Variants in TRIM55 observed in about 807,000 individuals in gnomAD.
TRIM55 encodes the protein tripartite motif containing 55.
TRIM55 carries 50 observed loss-of-function variants against 60.9 expected under a neutral mutation model. That is an observed-to-expected ratio of 0.82 (90% CI 0.65 to 1.04). TRIM55 has a LOEUF of 1.04. Among genes scored for constraint, TRIM55 ranks in the 50% least tolerant of loss-of-function variants. The probability of loss-of-function intolerance (pLI) is 0.00; values close to 1 mark genes in which losing one functional copy is unlikely to be tolerated. For synonymous variants in TRIM55, 237 were observed against 238.1 expected (o/e 1.00, Z 0.04); for missense variants, 681 against 666.9 (o/e 1.02, Z -0.23).
chr8:66,172,830 A>C (rs1019316798), intron 9 of TRIM55, among the ~76,000 whole-genome samples: 11 of 152,248 alleles, frequency 7.2e-5, no homozygotes, highest in Non-Finnish European at 1.2e-4. Flanking sequence ...TGGTCTGTTC[A>C]TCCAGGCGGA....
At chr8:66,169,758 T>C (rs1043073460) in intron 9 of TRIM55, among the ~76,000 whole-genome samples, 2 of 152,138 alleles carry the variant, frequency 1.3e-5, no homozygotes, top group Admixed American at 1.3e-4. Flanking sequence ...CTGACCGAGA[T>C]GGGCAGAAGG....
intron 2 of TRIM55, among the ~76,000 whole-genome samples, chr8:66,131,373 T>C (rs1246091975): frequency 1.3e-5 from 2 of 152,218 alleles, no homozygotes; most frequent in Non-Finnish European, 2.9e-5. Flanking sequence ...TTAATTCTTT[T>C]AGCTGTTTTT....
chr8:66,137,611 C>T (rs1163167928), intron 4 of TRIM55, among the ~76,000 whole-genome samples: 3 of 152,070 alleles, frequency 2.0e-5, no homozygotes, highest in African/African-American at 7.2e-5. Context: ...AGCAGTGCTG[C>T]GAAGTGGCCA....
At position 66,150,447 on chromosome 8, in the gene TRIM55, T is replaced by G. The variant is rs368724377; in HGVS notation, c.966T>G (p.Arg322=). The part of the protein sequence containing the change: ...VNLNREEKII[R]EIDFYREDED... ...TCAATAGAGAAGAAAAGATAATACG[T>G]GAAATTGACTTTTACAGAGGTTTGT... Residue 322 remains arginine (R), a synonymous_variant, in exon 7 of 10, where the codon CGT becomes CGG. Coordinates refer to ENST00000315962, the MANE Select transcript of TRIM55 (RefSeq NM_184085.2). 2 of 1,614,004 alleles carry G rather than the reference T, an allele frequency of 1.2e-6. No individual in the cohort carries two copies. The highest frequency in any genetic ancestry group is 2.7e-5 in the African/African-American group (2 of 74,924).
At chr8:66,128,271 C>T in intron 1 of TRIM55, 33 bp from the exon 2 acceptor site, 1 of 1,550,106 alleles carries the variant, frequency 6.5e-7, no homozygotes, top group South Asian at 1.2e-5. Context: ...TGTGGCATTA[C>T]CCAATTCCTT....
intron 6 of TRIM55, 26 bp from the exon 7 acceptor site, chr8:66,150,316 A>G: frequency 6.2e-7 from 1 of 1,614,158 alleles, no homozygotes; most frequent in Non-Finnish European, 8.5e-7. Context: ...ACAGTGACAG[A>G]AAGTGGCAAC....
the TRIM55 span, among the ~76,000 whole-genome samples, chr8:66,118,168 CAAAAAAAAAAA>C: frequency 7.5e-5 from 3 of 39,892 alleles, no homozygotes; most frequent in Non-Finnish European, 1.2e-4. Flanking sequence ...GACTCCGTCT[CAAAAAAAAAAA>C]AAAAAAAAAA....
intron 9 of TRIM55, among the ~76,000 whole-genome samples, chr8:66,156,032 A>G (rs1441668574): frequency 1.3e-5 from 2 of 152,202 alleles, no homozygotes; most frequent in Non-Finnish European, 2.9e-5. Flanking sequence ...GCCAGTTTCA[A>G]GTGTCCATAA....
chr8:66,165,647 A>G lies in TRIM55; in HGVS notation c.1525-8824A>G, dbSNP rs554776726. Among the ~76,000 whole-genome samples, 14 of 152,348 alleles carry G rather than the reference A, an allele frequency of 9.2e-5. No individual in the cohort carries two copies. In the South Asian group the frequency reaches 2.9e-3, roughly 32 times the overall value. ...ATGTGTTTTACAAATTAGGAGATTC[A>G]AGCTTACAAGTTGCTGATATGCCAG... On this transcript the variant is annotated intron_variant, in intron 9 of 9. Coordinates refer to ENST00000315962, the MANE Select transcript of TRIM55 (RefSeq NM_184085.2).
At chr8:66,147,414 T>C (rs1039105147) in intron 4 of TRIM55, among the ~76,000 whole-genome samples, 1 of 152,194 alleles carries the variant, frequency 6.6e-6, no homozygotes, top group Non-Finnish European at 1.5e-5. Context: ...CAGAGTATCT[T>C]CATAATCAAC....
At chr8:66,134,513 C>T (rs1301697955) in intron 2 of TRIM55, among the ~76,000 whole-genome samples, 1 of 152,110 alleles carries the variant, frequency 6.6e-6, no homozygotes, top group Non-Finnish European at 1.5e-5. Context: ...GGTGCAAACT[C>T]GACTTTTAGT....
chr8:66,155,231 T>C (rs760688019), intron 9 of TRIM55, among the ~76,000 whole-genome samples: 5 of 152,252 alleles, frequency 3.3e-5, no homozygotes. Flanking sequence ...GACAATGACT[T>C]ATTATTTTGA....
intron 4 of TRIM55, 72 bp from the exon 5 acceptor site, chr8:66,149,573 G>A (rs1810290178): frequency 8.3e-7 from 1 of 1,210,278 alleles, no homozygotes; most frequent in African/African-American, 1.5e-5. Context: ...TTCTTTCCCA[G>A]GATAACTAGG....
At chr8:66,162,475 GT>G (rs199962056) in intron 9 of TRIM55, among the ~76,000 whole-genome samples, 2,502 of 144,806 alleles carry the variant, frequency 0.017, 41 homozygotes, top group Middle Eastern at 0.033. Context: ...TTGGTCTGTA[GT>G]TTTTTTTTTT....
At chr8:66,170,627 A>G (rs1811573991) in intron 9 of TRIM55, among the ~76,000 whole-genome samples, 1 of 152,200 alleles carries the variant, frequency 6.6e-6, no homozygotes, top group African/African-American at 2.4e-5. Context: ...TTAAAAAAAA[A>G]TACCCTGCAA....
chr8:66,147,936 C>T (rs1209686271), intron 4 of TRIM55, among the ~76,000 whole-genome samples: 2 of 151,738 alleles, frequency 1.3e-5, no homozygotes, highest in African/African-American at 2.4e-5. Flanking sequence ...AAGAAATTCA[C>T]ATAAAGGAAG....
intron 2 of TRIM55, 136 bp from the exon 3 acceptor site, chr8:66,134,854 T>C (rs1809383884): frequency 1.1e-6 from 1 of 913,324 alleles, no homozygotes; most frequent in Non-Finnish European, 1.6e-6. Context: ...AAAGGGCCCC[T>C]GGGGGTCTTC....
chr8:66,158,141 C>CCGCA (rs1810849117), intron 9 of TRIM55, among the ~76,000 whole-genome samples: 1 of 114,792 alleles, frequency 8.7e-6, no homozygotes, highest in African/African-American at 3.3e-5. Context: ...GATCTCCCCA[C>CCGCA]CACACACACA....
chr8:66,127,189 C>T lies in TRIM55; in HGVS notation c.-80C>T. 1 of 1,431,816 alleles carries T rather than the reference C, an allele frequency of 7.0e-7. No individual in the cohort carries two copies. Among genetic ancestry groups the T allele is most frequent in the South Asian group, 1.3e-5 (1 of 76,248 alleles). The allele number at this position is 1,431,816 out of a possible 1,614,324, so 88.7% of individuals were successfully genotyped here. A position where few individuals can be genotyped will look rare whatever the true frequency, so the allele number is the denominator to read the frequency against. ...TAAAGGACACTTGATCACACAATCC[C>T]TGGAATAATATCCAGGAAACACTTG... On this transcript the variant is annotated 5_prime_UTR_variant, in exon 1 of 10. Coordinates refer to ENST00000315962, the MANE Select transcript of TRIM55 (RefSeq NM_184085.2).
Sources: allele counts gnomAD v4.1 joint callset (sites outside exome capture counted in the v4.1 genomes callset), GRCh38; gene constraint gnomAD v4.1.1; transcripts MANE v1.5; gene names NCBI Gene and HGNC (gene_info 2026-07-23, HGNC 2026-07-21).